TPST1: variants seen among roughly 807,000 people sequenced by gnomAD.
TPST1 encodes protein-tyrosine sulfotransferase 1.
TPST1 carries 20 observed loss-of-function variants against 34.8 expected under a neutral mutation model. That is an observed-to-expected ratio of 0.57 (90% CI 0.40 to 0.84). TPST1 has a LOEUF of 0.84. Among genes scored for constraint, TPST1 ranks in the 40% least tolerant of loss-of-function variants. TPST1 has a pLI of 0.00. For missense variants in TPST1, 353 were observed against 455.5 expected (o/e 0.78, Z 2.05); for synonymous variants, 152 against 159.4 (o/e 0.95, Z 0.35).
At chr7:66,353,852 G>C (rs2116395584) in intron 4 of TPST1, among the ~76,000 whole-genome samples, 1 of 152,328 alleles carries the variant, frequency 6.6e-6, no homozygotes, top group South Asian at 2.1e-4. Flanking sequence ...CCAGTTGCCT[G>C]ATGCAAGCCT....
At chr7:66,347,973 C>G (rs1792389478) in intron 3 of TPST1, among the ~76,000 whole-genome samples, 1 of 151,930 alleles carries the variant, frequency 6.6e-6, no homozygotes, top group Admixed American at 6.5e-5. Flanking sequence ...TTTCTATTTT[C>G]TTATTGCTGT....
At chr7:66,226,781 G>A (rs1279174510) in intron 1 of TPST1, among the ~76,000 whole-genome samples, 1 of 152,122 alleles carries the variant, frequency 6.6e-6, no homozygotes, top group Non-Finnish European at 1.5e-5. Flanking sequence ...ATATGGCAAG[G>A]TATTCTTTGC....
Position 66,356,833 on chromosome 7 carries a change from A to C in TPST1, c.1104A>C (p.Gln368His). The change falls in exon 5 of 6, where the codon CAA becomes CAC. Residue 368 changes from glutamine to histidine, a missense_variant. By Grantham distance (24) the Gln-to-His change is conservative (BLOSUM62 0). Transcript: ENST00000304842. The part of the protein sequence containing the change: ...DFLKEKPQTE[Q>H]VE ...TTTCTTTCCTTCAACAGACTGAGCA[A>C]GTGGAGTAGCAGAACCAGGAGCCTC... 6.2e-7 allele frequency: 1 copy of C among 1,614,180 alleles called. No individual in the cohort carries two copies. Among genetic ancestry groups the C allele is most frequent in the Admixed American group, 1.7e-5 (1 of 60,018 alleles).
At chr7:66,286,169 C>G (rs1268032868) in intron 2 of TPST1, among the ~76,000 whole-genome samples, 1 of 152,086 alleles carries the variant, frequency 6.6e-6, no homozygotes, top group African/African-American at 2.4e-5. Context: ...GTAAGCATTT[C>G]AAGTAAGTTG....
intron 2 of TPST1, among the ~76,000 whole-genome samples, chr7:66,276,045 TCTC>T (rs1290148525): frequency 2.6e-5 from 4 of 151,936 alleles, no homozygotes; most frequent in South Asian, 4.1e-4. Context: ...CTAATTTTCT[TCTC>T]CTATAGGTAA....
chr7:66,210,644 AG>A (rs1266590592), intron 1 of TPST1, among the ~76,000 whole-genome samples: 1 of 152,200 alleles, frequency 6.6e-6, no homozygotes, highest in African/African-American at 2.4e-5. Context: ...AGAACCCTGA[AG>A]AACAATAGTA....
At chr7:66,325,212 C>T (rs1011368922) in intron 3 of TPST1, among the ~76,000 whole-genome samples, 1 of 152,144 alleles carries the variant, frequency 6.6e-6, no homozygotes, top group Non-Finnish European at 1.5e-5. Context: ...CATCACATCT[C>T]GTGAGAACTC....
intron 3 of TPST1, among the ~76,000 whole-genome samples, chr7:66,318,750 C>T (rs985468982): frequency 1.3e-5 from 2 of 152,202 alleles, no homozygotes; most frequent in African/African-American, 4.8e-5. Context: ...AGGCGTGAGC[C>T]ACCACGCCCA....
chr7:66,256,905 G>A (rs1790393151), intron 2 of TPST1, among the ~76,000 whole-genome samples: 1 of 152,126 alleles, frequency 6.6e-6, no homozygotes, highest in African/African-American at 2.4e-5. Flanking sequence ...CCAGAATCTT[G>A]TCATCTAAAT....
chr7:66,286,560 C>T lies in TPST1; in HGVS notation c.895C>T (p.Leu299=). The part of the protein sequence containing the change: ...QVIKPVNVGA[L]SKWVGKIPPD... ...AATCAAGCCAGTCAATGTAGGAGCT[C>T]TATCAAAATGGGTTGGGAAGATACC... is the stretch of plus-strand genomic sequence containing the variant. Residue 299 remains leucine, a synonymous_variant, in exon 3 of 6, where the codon CTA becomes TTA. Transcript: ENST00000304842. The T allele has an allele frequency of 6.2e-7, 1 of 1,608,136 alleles. No homozygotes were observed. Among genetic ancestry groups the T allele is most frequent in the Non-Finnish European group, 8.5e-7 (1 of 1,176,556 alleles).
chr7:66,272,608 A>C (rs1023036048), intron 2 of TPST1, among the ~76,000 whole-genome samples: 2 of 144,250 alleles, frequency 1.4e-5, no homozygotes, highest in South Asian at 4.4e-4. Context: ...TTTTTTTCTG[A>C]GACATGGTTT....
chr7:66,220,774 A>C (rs1789526837), intron 1 of TPST1, among the ~76,000 whole-genome samples: 1 of 151,780 alleles, frequency 6.6e-6, no homozygotes, highest in Non-Finnish European at 1.5e-5. Flanking sequence ...ATTTTTTTGA[A>C]AAAAGTAGAA....
At position 66,260,088 on chromosome 7, in the gene TPST1, A is replaced by C. The variant is rs190092417; in HGVS notation, c.845+18818A>C. ...ATGTCGTCTCATGTCTTGATAGTTT[A>C]TTTCTTTTTAGCACTGCTGTCAATA... On this transcript the variant is annotated intron_variant, in intron 2 of 5. Coordinates refer to ENST00000304842, the MANE Select transcript of TPST1 (RefSeq NM_003596.4). 2.1e-3 allele frequency among the ~76,000 whole-genome samples: 319 copies of C among 152,092 alleles called. 2 individuals carry two copies. The highest frequency in any genetic ancestry group is 7.5e-3 in the African/African-American group (312 of 41,496).
intron 3 of TPST1, among the ~76,000 whole-genome samples, chr7:66,295,197 T>C (rs1051783324): frequency 6.6e-6 from 1 of 152,180 alleles, no homozygotes; most frequent in Non-Finnish European, 1.5e-5. Flanking sequence ...TATCTATTGA[T>C]ACTAAAAAAC....
At chr7:66,336,049 G>A (rs981845053) in intron 3 of TPST1, among the ~76,000 whole-genome samples, 1 of 152,226 alleles carries the variant, frequency 6.6e-6, no homozygotes, top group Admixed American at 6.5e-5. Flanking sequence ...GGTGGCTTAC[G>A]CCTGTAATCC....
intron 1 of TPST1, among the ~76,000 whole-genome samples, chr7:66,207,708 C>T (rs558665181): frequency 2.6e-5 from 4 of 152,244 alleles, no homozygotes; most frequent in African/African-American, 7.2e-5. Flanking sequence ...ATTTAGTCCC[C>T]GTTTCTCTTG....
At chr7:66,269,759 A>G (rs1274333630) in intron 2 of TPST1, among the ~76,000 whole-genome samples, 1 of 152,216 alleles carries the variant, frequency 6.6e-6, no homozygotes, top group Non-Finnish European at 1.5e-5. Context: ...CTTTGAAATA[A>G]GAAATAAAGC....
intron 1 of TPST1, among the ~76,000 whole-genome samples, chr7:66,225,203 C>A (rs1789628593): frequency 6.6e-6 from 1 of 151,704 alleles, no homozygotes. Flanking sequence ...AGGCATGAAC[C>A]ACCGCACCCG....
chr7:66,265,549 CAAA>C (rs61289876), intron 2 of TPST1, among the ~76,000 whole-genome samples: 26 of 129,166 alleles, frequency 2.0e-4, no homozygotes, highest in Admixed American at 3.1e-4. Context: ...AACCCTGTCT[CAAA>C]AAAAAAAAAA....
Sources: gnomAD v4.1 joint callset for allele counts (sites outside exome capture counted in the v4.1 genomes callset) on GRCh38, gnomAD v4.1.1 for gene constraint, MANE v1.5 for transcripts, NCBI Gene and HGNC (gene_info 2026-07-23, HGNC 2026-07-21) for gene names.